UBN1: variants seen among roughly 807,000 people sequenced by gnomAD.
UBN1 encodes ubinuclein 1, also known as ubinuclein-1.
UBN1 carries 17 observed loss-of-function variants against 108.5 expected under a neutral mutation model. The observed-to-expected ratio is 0.16, with a 90% CI of 0.11 to 0.24. The LOEUF is 0.24. Among genes scored for constraint, UBN1 ranks in the 10% least tolerant of loss-of-function variants. The probability of loss-of-function intolerance (pLI) is 1.00; values close to 1 mark genes in which losing one functional copy is unlikely to be tolerated. For synonymous variants in UBN1, 726 were observed against 564.2 expected (o/e 1.29, Z -4.07); for missense variants, 1,595 against 1,394.4 (o/e 1.14, Z -2.29).
chr16:4,866,253 C>T (rs1407261167), intron 7 of UBN1, among the ~76,000 whole-genome samples: 2 of 152,122 alleles, frequency 1.3e-5, no homozygotes, highest in East Asian at 1.9e-4. Flanking sequence ...AAAGTCATGC[C>T]CTTTTTTTCC....
intron 7 of UBN1, among the ~76,000 whole-genome samples, chr16:4,865,370 G>T (rs887031310): frequency 6.6e-6 from 1 of 152,072 alleles, no homozygotes; most frequent in Non-Finnish European, 1.5e-5. Flanking sequence ...CTGAAATATT[G>T]TACAAGTGGC....
In UBN1 at chr16:4,877,599, C is replaced by T. The variant is rs1244792333; in HGVS notation, c.3355+125C>T. 5 of 1,429,384 alleles carry T rather than the reference C, an allele frequency of 3.5e-6. No individual in the cohort carries two copies. Among genetic ancestry groups the T allele is most frequent in the Non-Finnish European group, 2.7e-6 (3 of 1,095,938 alleles). 88.5% of individuals were successfully genotyped at this position (1,429,384 alleles called of 1,614,324 possible). On this transcript the variant is annotated intron_variant, in intron 17 of 17. Coordinates refer to ENST00000262376, the MANE Select transcript of UBN1 (RefSeq NM_001079514.3). This position sits in a 1 kb window ranked among gnomAD's most constrained non-coding sequence, Gnocchi z 4.3. ...TGACGCTGTTGTTGTTTTGGTTTGT[C>T]CTTTGAGGCTGTGCTTTGTCAGTAC...
At chr16:4,876,350 C>T (rs146456545) in intron 15 of UBN1, among the ~76,000 whole-genome samples, 122 of 152,286 alleles carry the variant, frequency 8.0e-4, no homozygotes, top group African/African-American at 2.7e-3. Flanking sequence ...CCCACCACCT[C>T]TGTAAGGTAA....
intron 7 of UBN1, among the ~76,000 whole-genome samples, chr16:4,867,816 A>G (rs1250468704): frequency 6.6e-6 from 1 of 151,982 alleles, no homozygotes; most frequent in Non-Finnish European, 1.5e-5. Flanking sequence ...AGAGGGGTTG[A>G]TCCCTTCATT....
At position 4,877,265 on chromosome 16, in the gene UBN1, G is replaced by T; in HGVS notation, c.3266-120G>T. 1 of 1,515,456 alleles carries T rather than the reference G, an allele frequency of 6.6e-7. No homozygotes were observed. Among genetic ancestry groups the T allele is most frequent in the Non-Finnish European group, 8.9e-7 (1 of 1,128,870 alleles). The allele number at this position is 1,515,456 out of a possible 1,614,324, so 93.9% of individuals were successfully genotyped here. On this transcript the variant is annotated intron_variant, in intron 16 of 17. Transcript: ENST00000262376. The surrounding 1 kb of genome is among the most constrained non-coding windows in gnomAD (Gnocchi z 4.3). ...GTGCCAAGCCCCCACTGCCCCTTTG[G>T]GTGTGGTGCCCAGACTGGCCTGGCA...
At chr16:4,850,170 G>A (rs1191504354) in intron 1 of UBN1, among the ~76,000 whole-genome samples, 2 of 152,058 alleles carry the variant, frequency 1.3e-5, no homozygotes, top group Non-Finnish European at 2.9e-5. Flanking sequence ...AGTAACAGCA[G>A]AACATTATAA....
chr16:4,871,359 T>C, intron 12 of UBN1, 58 bp downstream of exon 12: 1 of 1,572,970 alleles, frequency 6.4e-7, no homozygotes, highest in Non-Finnish European at 8.6e-7. Context: ...TGAACGCTGC[T>C]TTTGTGCCAG....
Position 4,858,558 on chromosome 16 carries a change from C to T in UBN1, c.337-10C>T. ...CAAAAAGCATGTAATCTATTGCTTT[C>T]ACATTTTAGGGTGGAAAGAAACGTA... On this transcript the variant is annotated splice_polypyrimidine_tract_variant and intron_variant, in intron 3 of 17. Coordinates refer to ENST00000262376, the MANE Select transcript of UBN1 (RefSeq NM_001079514.3). The T allele has an allele frequency of 6.2e-7, 1 of 1,613,300 alleles. No homozygotes were observed. The highest frequency in any genetic ancestry group is 8.5e-7 in the Non-Finnish European group (1 of 1,179,292).
chr16:4,849,547 T>C (rs1407808889), intron 1 of UBN1, among the ~76,000 whole-genome samples: 1 of 152,034 alleles, frequency 6.6e-6, no homozygotes, highest in Admixed American at 6.5e-5. Context: ...GGCTAGTATT[T>C]TCTCAGTAAC....
At chr16:4,860,566 C>A in intron 6 of UBN1, 98 bp from the exon 7 acceptor site, 1 of 1,260,778 alleles carries the variant, frequency 7.9e-7, no homozygotes, top group Non-Finnish European at 1.1e-6. Flanking sequence ...GACAGGTTCT[C>A]CTGGAGACCA....
At chr16:4,878,181 G>A (rs780716592) in intron 17 of UBN1, among the ~76,000 whole-genome samples, 2 of 152,136 alleles carry the variant, frequency 1.3e-5, no homozygotes, top group Non-Finnish European at 2.9e-5. Context: ...CATTGAGTGC[G>A]TCTGCCTCAC....
chr16:4,869,650 C>A (rs1201397920), intron 8 of UBN1, among the ~76,000 whole-genome samples: 2 of 152,332 alleles, frequency 1.3e-5, no homozygotes, highest in East Asian at 3.9e-4. Context: ...GAAGTGTGAG[C>A]TGCAGAGAGC....
Sources: allele counts gnomAD v4.1 joint callset (sites outside exome capture counted in the v4.1 genomes callset), GRCh38; gene constraint gnomAD v4.1.1; non-coding constraint Gnocchi (gnomAD v3.1); transcripts MANE v1.5; gene names NCBI Gene and HGNC (gene_info 2026-07-23, HGNC 2026-07-21).